Variants in HACL1 observed in about 807,000 individuals in gnomAD.
HACL1 encodes 1600020H07Rik.
HACL1 carries 64 observed loss-of-function variants against 74.2 expected under a neutral mutation model. That is an observed-to-expected ratio of 0.86 (90% confidence interval 0.70 to 1.06). The LOEUF is 1.06. Among genes scored for constraint, HACL1 ranks in the 50% least tolerant of loss-of-function variants. The probability of loss-of-function intolerance (pLI) is 0.00; values close to 1 mark genes in which losing one functional copy is unlikely to be tolerated. For synonymous variants in HACL1, 230 were observed against 238.8 expected (o/e 0.96, Z 0.34); for missense variants, 728 against 719.7 (o/e 1.01, Z -0.13).
intron 2 of HACL1, 116 bp downstream of exon 2, chr3:15,600,974 G>A: frequency 2.9e-6 from 2 of 692,842 alleles, no homozygotes; most frequent in South Asian, 1.6e-5. Context: ...TGATTGATAT[G>A]ATATATGTAA....
At chr3:15,596,308 C>A in intron 3 of HACL1, 76 bp downstream of exon 3, 1 of 775,956 alleles carries the variant, frequency 1.3e-6, no homozygotes. Flanking sequence ...CAAATGAACT[C>A]ATCCTTCAGC....
At chr3:15,591,135 T>C (rs532449245) in intron 4 of HACL1, among the ~76,000 whole-genome samples, 1 of 152,304 alleles carries the variant, frequency 6.6e-6, no homozygotes, top group African/African-American at 2.4e-5. Flanking sequence ...TGAATTTTCT[T>C]CCTAATACTC....
intron 3 of HACL1, among the ~76,000 whole-genome samples, chr3:15,595,305 T>C (rs1351806220): frequency 6.6e-6 from 1 of 152,212 alleles, no homozygotes; most frequent in Non-Finnish European, 1.5e-5. Flanking sequence ...TGTTACTTGA[T>C]GGCCTATTTT....
At chr3:15,594,095 G>C (rs1221830950) in intron 3 of HACL1, among the ~76,000 whole-genome samples, 1 of 152,106 alleles carries the variant, frequency 6.6e-6, no homozygotes, top group Admixed American at 6.5e-5. Flanking sequence ...CACCGCGCCT[G>C]GTCCCCAAAA....
At chr3:15,573,119 C>G (rs754457836) in intron 11 of HACL1, 40 bp downstream of exon 11, 4 of 1,046,962 alleles carry the variant, frequency 3.8e-6, no homozygotes. Flanking sequence ...TGACTATTCC[C>G]TAATAAGCAC....
At chr3:15,592,360 A>G (rs2063939264) in intron 3 of HACL1, among the ~76,000 whole-genome samples, 1 of 137,728 alleles carries the variant, frequency 7.3e-6, no homozygotes, top group African/African-American at 3.4e-5. Flanking sequence ...CTCTATATAT[A>G]TGTATACATA....
chr3:15,563,007 T>G (rs1352431183), intron 16 of HACL1, among the ~76,000 whole-genome samples: 1 of 152,136 alleles, frequency 6.6e-6, no homozygotes, highest in Non-Finnish European at 1.5e-5. Flanking sequence ...ATAAATCTGA[T>G]TCCTTTGTGG....
chr3:15,582,214 G>C (rs532766120), intron 8 of HACL1, among the ~76,000 whole-genome samples: 5 of 152,242 alleles, frequency 3.3e-5, no homozygotes, highest in Admixed American at 2.0e-4. Context: ...AGTATAAATT[G>C]GTTGGTACAA....
chr3:15,584,426 A>G (rs553848739), intron 7 of HACL1, among the ~76,000 whole-genome samples: 47 of 152,240 alleles, frequency 3.1e-4, no homozygotes, highest in Non-Finnish European at 5.3e-4. Context: ...TGTCTCTACT[A>G]AAAATACAAA....
intron 9 of HACL1, among the ~76,000 whole-genome samples, chr3:15,578,366 T>C (rs1336361531): frequency 1.3e-5 from 2 of 152,090 alleles, no homozygotes; most frequent in Non-Finnish European, 2.9e-5. Flanking sequence ...AGTTATAGTA[T>C]ATTAAAAAGC....
Position 15,601,133 on chromosome 3 carries a change from T to TG in HACL1, c.142dup (p.Gln48ProfsTer13). ...CCCGATGTACTTGATGCCTAGCTGC[T>TG]GGGCAGCAATGGCGATTTCGGTCAC... On this transcript the variant is annotated frameshift_variant, in exon 2 of 17. Coordinates refer to ENST00000321169, the MANE Select transcript of HACL1 (RefSeq NM_012260.4). LOFTEE classifies it high-confidence loss of function. The TG allele has an allele frequency of 6.2e-7, 1 of 1,613,850 alleles. No individual in the cohort carries two copies. Among genetic ancestry groups the TG allele is most frequent in the Non-Finnish European group, 8.5e-7 (1 of 1,179,680 alleles).
chr3:15,571,829 CTTTTTTTTTTTTTTTTTT>C (rs869072841), intron 11 of HACL1, 60 bp from the exon 12 acceptor site: 11 of 226,186 alleles, frequency 4.9e-5, no homozygotes, highest in East Asian at 2.1e-4. Flanking sequence ...CCTTTTTTTT[CTTTTTTTTTTTTTTTTTT>C]TTTTTTTTTT....
chr3:15,570,458 G>C (rs563215573), intron 12 of HACL1, among the ~76,000 whole-genome samples: 34 of 151,788 alleles, frequency 2.2e-4, no homozygotes, highest in Non-Finnish European at 4.3e-4. Flanking sequence ...GGAACCAAGT[G>C]AGCATAACTC....
At chr3:15,584,921 C>T (rs1002380334) in intron 7 of HACL1, among the ~76,000 whole-genome samples, 4 of 152,002 alleles carry the variant, frequency 2.6e-5, no homozygotes, top group Non-Finnish European at 5.9e-5. Context: ...AATCACCCAA[C>T]CTCTTGGCTT....
chr3:15,595,076 GA>G (rs1174702256), intron 3 of HACL1, among the ~76,000 whole-genome samples: 1 of 151,970 alleles, frequency 6.6e-6, no homozygotes, highest in Non-Finnish European at 1.5e-5. Flanking sequence ...CCACTGAGCC[GA>G]GATTGCACCA....
At chr3:15,567,579 G>C (rs1299451520) in intron 14 of HACL1, among the ~76,000 whole-genome samples, 1 of 152,022 alleles carries the variant, frequency 6.6e-6, no homozygotes, top group Non-Finnish European at 1.5e-5. Flanking sequence ...GCTTCTTTCA[G>C]TCCCCAACAT....
chr3:15,574,178 G>A (rs2063582665), intron 10 of HACL1, among the ~76,000 whole-genome samples: 1 of 152,154 alleles, frequency 6.6e-6, no homozygotes, highest in Non-Finnish European at 1.5e-5. Context: ...AGACCAGCCT[G>A]GGCAACATGG....
rs775557997 is a variant in HACL1, at chr3:15,591,555, G to A, written c.308+45C>T. On this transcript the variant is annotated intron_variant, in intron 4 of 16. Coordinates refer to ENST00000321169, the MANE Select transcript of HACL1 (RefSeq NM_012260.4). ...TAGCTCTACTCAGTAAAATCCTGCA[G>A]TGACCTTTTTAAGAAAATGTTTTCA... 1.3e-5 allele frequency: 15 copies of A among 1,164,592 alleles called. 1 individual carries two copies. The allele number at this position is 1,164,592 out of a possible 1,614,324, so 72.1% of individuals were successfully genotyped here. A position where few individuals can be genotyped will look rare whatever the true frequency, so the allele number is the denominator to read the frequency against.
At chr3:15,593,893 AT>A (rs2064007042) in intron 3 of HACL1, among the ~76,000 whole-genome samples, 1 of 145,334 alleles carries the variant, frequency 6.9e-6, no homozygotes, top group African/African-American at 2.6e-5. Flanking sequence ...CGCCTCCCGG[AT>A]TCAAGTGATT....
Sources: allele counts gnomAD v4.1 joint callset (sites outside exome capture counted in the v4.1 genomes callset), GRCh38; gene constraint gnomAD v4.1.1; transcripts MANE v1.5; gene names NCBI Gene and HGNC (gene_info 2026-07-23, HGNC 2026-07-21).